RIMBP2: variants seen among roughly 807,000 people sequenced by gnomAD.
RIMBP2 encodes RIMS binding protein 2, also known as RIMS-binding protein 2.
RIMBP2 carries 48 observed loss-of-function variants against 118.6 expected under a neutral mutation model. The ratio of observed to expected loss-of-function variants is 0.40; its 90% confidence interval spans 0.32 to 0.51. The LOEUF is 0.51. RIMBP2 is among the 20% of genes least tolerant of loss of function. The pLI, the probability that RIMBP2 is intolerant of heterozygous loss-of-function variation, is 0.41. For synonymous variants in RIMBP2, 762 were observed against 742.9 expected (o/e 1.03, Z -0.42); for missense variants, 1,551 against 1,768.3 (o/e 0.88, Z 2.20).
chr12:130,644,712 A>T (rs553802394), intron 1 of RIMBP2, among the ~76,000 whole-genome samples: 1 of 152,246 alleles, frequency 6.6e-6, no homozygotes, highest in Non-Finnish European at 1.5e-5. Flanking sequence ...GAAAAGCCAC[A>T]GGACAGAGAC....
chr12:130,633,459 C>T (rs988899955), intron 1 of RIMBP2, among the ~76,000 whole-genome samples: 1 of 152,180 alleles, frequency 6.6e-6, no homozygotes, highest in Non-Finnish European at 1.5e-5. Context: ...TGCCTTTCCT[C>T]CTGAACCACA....
At position 130,573,419 on chromosome 12, in the gene RIMBP2, AGTGTGTGCGTGG is replaced by A. The variant is rs370100998; in HGVS notation, c.-217+54891_-217+54902del. Among the ~76,000 whole-genome samples the A allele has an allele frequency of 1.4e-3, 216 of 151,246 alleles. 2 individuals carry two copies. The highest frequency in any genetic ancestry group is 4.5e-3 in the African/African-American group (184 of 41,166). On this transcript the variant is annotated intron_variant, in intron 2 of 22. Coordinates refer to ENST00000690449, the MANE Select transcript of RIMBP2 (RefSeq NM_001393629.1). Reference sequence around the variant, plus strand: ...GTGTGTGTGCGACTGTGTGCGTGTGAGTGTGTGCGTGGGTGTGTGCGTGGGTGCGTGCGTGGG... The same window carrying A: ...GTGTGTGTGCGACTGTGTGCGTGTGAGTGTGTGCGTGGGTGCGTGCGTGGG...
chr12:130,571,155 G>C (rs1455640981), intron 2 of RIMBP2, among the ~76,000 whole-genome samples: 2 of 147,764 alleles, frequency 1.4e-5, no homozygotes, highest in Admixed American at 6.8e-5. Context: ...AGAGATATAG[G>C]CTTTACTGGG....
rs556913933 is a variant in RIMBP2 at position 130,542,778 on chromosome 12, TG to T, written c.-216-24862del. On this transcript the variant is annotated intron_variant, in intron 2 of 22. Transcript: ENST00000690449. ...CTCCGGGAAAATGAATTCCATTCAGTGGGACCCCAAGTTTTCCATGGCAAAT... is the reference window on the plus strand; with the variant it reads ...CTCCGGGAAAATGAATTCCATTCAGTGGACCCCAAGTTTTCCATGGCAAAT... 9.6e-4 allele frequency among the ~76,000 whole-genome samples: 147 copies of T among 152,338 alleles called. 1 individual carries two copies. Among genetic ancestry groups the T allele is most frequent in the African/African-American group, 3.4e-3 (141 of 41,574 alleles).
chr12:130,568,358 A>C (rs73156932), intron 2 of RIMBP2, among the ~76,000 whole-genome samples: 49,953 of 152,124 alleles, frequency 0.33, 9,295 homozygotes, highest in Non-Finnish European at 0.41. Flanking sequence ...CTGTGCAAGC[A>C]TTAAGTTCCC....
chr12:130,596,185 C>T (rs1180187444), intron 2 of RIMBP2, among the ~76,000 whole-genome samples: 1 of 152,156 alleles, frequency 6.6e-6, no homozygotes, highest in Non-Finnish European at 1.5e-5. Context: ...AAACTCACAA[C>T]TGTCTGGAAG....
intron 6 of RIMBP2, chr12:130,470,227 G>A (rs2080882924): frequency 6.5e-6 from 1 of 153,844 alleles, no homozygotes; most frequent in African/African-American, 2.4e-5. Context: ...TCCTTTCTCT[G>A]ATCCTACAAA....
At chr12:130,677,149 C>T (rs552158327) in intron 1 of RIMBP2, among the ~76,000 whole-genome samples, 1 of 152,236 alleles carries the variant, frequency 6.6e-6, no homozygotes, top group South Asian at 2.1e-4. Flanking sequence ...GTGCTGTTGG[C>T]ATCTGGTGGG....
intron 5 of RIMBP2, among the ~76,000 whole-genome samples, chr12:130,476,547 G>A (rs144394109): frequency 0.011 from 1,635 of 152,260 alleles, 14 homozygotes; most frequent in Non-Finnish European, 0.017. Context: ...CCAGCTACCC[G>A]GCCTTCTTCC....
At chr12:130,674,729 C>T (rs1594185316) in intron 1 of RIMBP2, among the ~76,000 whole-genome samples, 1 of 152,292 alleles carries the variant, frequency 6.6e-6, no homozygotes, top group East Asian at 1.9e-4. Context: ...TCTTATCACC[C>T]CAAGCCGAAA....
At chr12:130,482,838 AG>A (rs2082131120) in intron 4 of RIMBP2, among the ~76,000 whole-genome samples, 1 of 140,808 alleles carries the variant, frequency 7.1e-6, no homozygotes, top group African/African-American at 2.7e-5. Context: ...TCTGCAGGGG[AG>A]GGGGCAGACC....
intron 21 of RIMBP2, among the ~76,000 whole-genome samples, chr12:130,403,519 G>T (rs2074857485): frequency 6.6e-6 from 1 of 152,132 alleles, no homozygotes; most frequent in Admixed American, 6.6e-5. Context: ...CTGAAGATAT[G>T]TAGATTGTTA....
chr12:130,592,480 G>A (rs1356128817), intron 2 of RIMBP2, among the ~76,000 whole-genome samples: 4 of 152,118 alleles, frequency 2.6e-5, no homozygotes, highest in African/African-American at 7.2e-5. Context: ...TACGAGGTCA[G>A]GAGTTCAAGA....
chr12:130,653,654 C>G (rs2063314939), intron 1 of RIMBP2, among the ~76,000 whole-genome samples: 1 of 152,230 alleles, frequency 6.6e-6, no homozygotes, highest in African/African-American at 2.4e-5. Flanking sequence ...CGGAGCTTTT[C>G]TGTGGGGGCT....
At chr12:130,438,777 C>T (rs2137075462) in intron 11 of RIMBP2, among the ~76,000 whole-genome samples, 1 of 152,244 alleles carries the variant, frequency 6.6e-6, no homozygotes, top group South Asian at 2.1e-4. Context: ...AAATGCAAAC[C>T]TAAACTGTCT....
chr12:130,551,615 T>A (rs6486552), intron 2 of RIMBP2, among the ~76,000 whole-genome samples: 148,468 of 152,280 alleles, frequency 0.97, 72,495 homozygotes, highest in Middle Eastern at 1. Flanking sequence ...TACAGGGGTG[T>A]TGTCATGCCT....
rs2136272970 is a variant in RIMBP2 at position 130,400,630 on chromosome 12, G to T, written c.3766-817C>A. Among the ~76,000 whole-genome samples the T allele has an allele frequency of 1.3e-5, 2 of 152,268 alleles. 1 individual carries two copies. Among genetic ancestry groups the T allele is most frequent in the Admixed American group, 1.3e-4 (2 of 15,296 alleles). ...TCTCTGTTTATATGGTCTAGGAAAT[G>T]ACATAAAGAGCCTACTACATCAAAA... On this transcript the variant is annotated intron_variant, in intron 21 of 22. Coordinates refer to ENST00000690449, the MANE Select transcript of RIMBP2 (RefSeq NM_001393629.1).
chr12:130,513,820 A>G (rs558889937), intron 3 of RIMBP2, among the ~76,000 whole-genome samples: 4 of 152,232 alleles, frequency 2.6e-5, no homozygotes, highest in African/African-American at 9.6e-5. Context: ...ATTAATTTCC[A>G]TCTCTTAATC....
At chr12:130,682,985 T>A (rs1365340129) in intron 1 of RIMBP2, among the ~76,000 whole-genome samples, 1 of 152,240 alleles carries the variant, frequency 6.6e-6, no homozygotes, top group East Asian at 1.9e-4. Flanking sequence ...CTTATTTTGT[T>A]GTCTAATTAT....
Sources: allele counts gnomAD v4.1 joint callset (sites outside exome capture counted in the v4.1 genomes callset), GRCh38; gene constraint gnomAD v4.1.1; transcripts MANE v1.5; gene names NCBI Gene and HGNC (gene_info 2026-07-23, HGNC 2026-07-21).